PPP2R2B: variants seen among roughly 807,000 people sequenced by gnomAD.
PPP2R2B encodes protein phosphatase 2 regulatory subunit Bbeta.
A neutral mutation model predicts 46.0 loss-of-function variants in PPP2R2B; 5 were observed. The ratio of observed to expected loss-of-function variants is 0.11; its 90% confidence interval spans 0.06 to 0.23. PPP2R2B has a LOEUF of 0.23. PPP2R2B is among the 10% of genes least tolerant of loss of function. The pLI, the probability that PPP2R2B is intolerant of heterozygous loss-of-function variation, is 1.00. For missense variants in PPP2R2B, 367 were observed against 575.0 expected, an observed-to-expected ratio of 0.64 and a Z score of 3.70; for synonymous variants, 215 against 206.7, an observed-to-expected ratio of 1.04 and a Z score of -0.34.
At chr5:147,065,281 A>T (rs1420334090) in intron 2 of PPP2R2B, among the ~76,000 whole-genome samples, 1 of 152,104 alleles carries the variant, frequency 6.6e-6, no homozygotes, top group Non-Finnish European at 1.5e-5. Context: ...CAACACTGAG[A>T]TTTGAATGAT....
At chr5:146,629,775 CTT>C (rs1433484791) in intron 7 of PPP2R2B, among the ~76,000 whole-genome samples, 1 of 149,416 alleles carries the variant, frequency 6.7e-6, no homozygotes, top group Non-Finnish European at 1.5e-5. Flanking sequence ...CTTTTCTTTC[CTT>C]TCCCCTTTCC....
chr5:146,787,792 T>G (rs1228812093), intron 2 of PPP2R2B, among the ~76,000 whole-genome samples: 2 of 152,176 alleles, frequency 1.3e-5, no homozygotes, highest in African/African-American at 4.8e-5. Flanking sequence ...AGTCTCGAAC[T>G]CCTGACCTCA....
At chr5:146,892,150 C>T (rs1451744273) in intron 1 of PPP2R2B, among the ~76,000 whole-genome samples, 3 of 152,100 alleles carry the variant, frequency 2.0e-5, no homozygotes, top group African/African-American at 7.2e-5. Context: ...CCTTCAAATC[C>T]CAGCTTGAGT....
chr5:147,055,374 T>C (rs114164448), intron 1 of PPP2R2B, among the ~76,000 whole-genome samples: 2,710 of 152,322 alleles, frequency 0.018, 48 homozygotes, highest in Middle Eastern at 0.034. Context: ...TGTTTGCATG[T>C]TAAATGAAAC....
intron 1 of PPP2R2B, among the ~76,000 whole-genome samples, chr5:146,940,868 G>C (rs145824897): frequency 1.3e-5 from 2 of 152,268 alleles, no homozygotes; most frequent in Non-Finnish European, 2.9e-5. Context: ...ACTCTAAAGA[G>C]AATATGAGTG....
intron 2 of PPP2R2B, among the ~76,000 whole-genome samples, chr5:146,747,631 G>C (rs1033279372): frequency 6.6e-6 from 1 of 152,212 alleles, no homozygotes; most frequent in Non-Finnish European, 1.5e-5. Context: ...CAAAATCAAT[G>C]TGGAGCAGAT....
At position 146,593,696 on chromosome 5, in the gene PPP2R2B, G is replaced by T. The variant is rs115623246; in HGVS notation, c.961-634C>A. Among the ~76,000 whole-genome samples the T allele has an allele frequency of 7.6e-3, 1,151 of 152,244 alleles. 12 individuals are homozygous for T. Among genetic ancestry groups the T allele is most frequent in the African/African-American group, 0.026 (1,073 of 41,536 alleles). On this transcript the variant is annotated intron_variant, in intron 8 of 9. Transcript: ENST00000394411. The stretch of plus-strand genomic sequence containing the variant: ...TGTCTGGGTTTGGGGTGAGGGGAAG[G>T]CTCTCCAAGCATAGGAAACAGCAAA...
At chr5:146,845,340 C>CTG (rs1759929397) in intron 2 of PPP2R2B, among the ~76,000 whole-genome samples, 2 of 136,202 alleles carry the variant, frequency 1.5e-5, no homozygotes, top group Non-Finnish European at 1.5e-5. Flanking sequence ...GAGTCTCACT[C>CTG]TGTTGCCCAG....
intron 2 of PPP2R2B, among the ~76,000 whole-genome samples, chr5:146,820,742 C>G (rs969370516): frequency 6.6e-6 from 1 of 152,150 alleles, no homozygotes; most frequent in South Asian, 2.1e-4. Flanking sequence ...AATTGACCTC[C>G]GTCTCCTCCC....
chr5:146,648,255 T>C (rs1775716096), intron 6 of PPP2R2B, among the ~76,000 whole-genome samples: 1 of 152,126 alleles, frequency 6.6e-6, no homozygotes, highest in Non-Finnish European at 1.5e-5. Flanking sequence ...ATGGTAACAT[T>C]GGGGAGCTGC....
At chr5:146,943,076 C>T (rs368006187) in intron 1 of PPP2R2B, among the ~76,000 whole-genome samples, 83 of 152,218 alleles carry the variant, frequency 5.5e-4, no homozygotes, top group African/African-American at 1.3e-3. Context: ...GGATTACAGG[C>T]GTGAACTACT....
In PPP2R2B at chr5:147,018,808, G is replaced by T. The variant is rs552664200; in HGVS notation, c.79+36857C>A. ...AAATATTTAGTGATGTCCTCCTGGT[G>T]CCAGACCCAACACTAGGTAAAGCTA... On this transcript the variant is annotated intron_variant, in intron 1 of 8. Coordinates refer to the PPP2R2B transcript ENST00000336640. Among the ~76,000 whole-genome samples the T allele has an allele frequency of 3.9e-4, 59 of 152,210 alleles. No individual in the cohort carries two copies. In the South Asian group the frequency reaches 0.011, roughly 29 times the overall value.
chr5:147,047,246 A>G (rs935749403), intron 1 of PPP2R2B, among the ~76,000 whole-genome samples: 1 of 152,098 alleles, frequency 6.6e-6, no homozygotes, highest in Non-Finnish European at 1.5e-5. Flanking sequence ...CCACTGTATG[A>G]TGACTATAGT....
At chr5:146,861,091 T>A (rs1029953105) in intron 2 of PPP2R2B, among the ~76,000 whole-genome samples, 4 of 147,968 alleles carry the variant, frequency 2.7e-5, no homozygotes, top group Non-Finnish European at 5.9e-5. Context: ...GAGTCTCCTC[T>A]GTCGCTCGGG....
intron 5 of PPP2R2B, among the ~76,000 whole-genome samples, chr5:146,673,241 CCA>C (rs1777487367): frequency 6.6e-6 from 1 of 152,156 alleles, no homozygotes; most frequent in East Asian, 1.9e-4. Flanking sequence ...ATCTATCTTA[CCA>C]CAGATGCTGG....
rs375994796 is a variant in PPP2R2B, at chr5:147,031,412, T to C, written c.79+24253A>G. Among the ~76,000 whole-genome samples, 4 of 152,242 alleles carry C rather than the reference T, an allele frequency of 2.6e-5. No individual in the cohort carries two copies. The South Asian group carries it at 6.2e-4, about 24-fold the overall frequency. On this transcript the variant is annotated intron_variant, in intron 1 of 8. Coordinates refer to the PPP2R2B transcript ENST00000336640. The stretch of plus-strand genomic sequence containing the variant: ...GTTTTTGTTTTCATAGTAGTATGTG[T>C]TTCTCTCTATTTTTAAGATTTTGGT...
rs1295506132 is a variant in PPP2R2B, at chr5:146,585,419, C to G, written c.*4528G>C. ...TGTTTCTGTATCTATAAAATGAGAA[C>G]AACAATAGTATCTGCATCTGGAGTT... On this transcript the variant is annotated 3_prime_UTR_variant, in exon 10 of 10. Coordinates refer to ENST00000394411, the MANE Select transcript of PPP2R2B (RefSeq NM_181675.4). 1 of 152,114 alleles carries G rather than the reference C, an allele frequency of 6.6e-6. No individual in the cohort carries two copies. The highest frequency in any genetic ancestry group is 2.4e-5 in the African/African-American group (1 of 41,404). The allele number at this position is 152,114 out of a possible 1,614,324, so 9.4% of individuals were successfully genotyped here. A position where few individuals can be genotyped will look rare whatever the true frequency, so the allele number is the denominator to read the frequency against.
upstream of PPP2R2B, among the ~76,000 whole-genome samples, chr5:147,056,397 G>A (rs1374526195): frequency 2.0e-5 from 3 of 152,188 alleles, no homozygotes; most frequent in East Asian, 3.9e-4. Context: ...AAGCTGGATT[G>A]AGTAGTCGGT....
chr5:147,045,230 G>A lies in PPP2R2B; in HGVS notation c.79+10435C>T, dbSNP rs147865896. Among the ~76,000 whole-genome samples, 49 of 152,252 alleles carry A rather than the reference G, an allele frequency of 3.2e-4. 1 individual carries two copies. Among genetic ancestry groups the A allele is most frequent in the African/African-American group, 1.1e-3 (47 of 41,554 alleles). On this transcript the variant is annotated intron_variant, in intron 1 of 8. Coordinates refer to the PPP2R2B transcript ENST00000336640. ...GTCCCACCCCTTAAAATACATTCAT[G>A]TACTGCATAATGACATTTTGGTCAA... is the stretch of plus-strand genomic sequence containing the variant.
Sources: allele counts gnomAD v4.1 joint callset (sites outside exome capture counted in the v4.1 genomes callset), GRCh38; gene constraint gnomAD v4.1.1; transcripts MANE v1.5; gene names NCBI Gene and HGNC (gene_info 2026-07-23, HGNC 2026-07-21).